Variants in PEX5L observed in about 807,000 individuals in gnomAD.
PEX5L encodes the protein peroxisomal biogenesis factor 5 like.
PEX5L carries 30 observed loss-of-function variants against 84.0 expected under a neutral mutation model. The observed-to-expected ratio is 0.36, with a 90% CI of 0.27 to 0.48. The LOEUF (loss-of-function observed/expected upper bound fraction) is 0.48. Ranked by LOEUF, PEX5L falls within the 20% of genes least tolerant of loss-of-function variation. The probability of loss-of-function intolerance (pLI) is 0.99; values close to 1 mark genes in which losing one functional copy is unlikely to be tolerated. For synonymous variants in PEX5L, 270 were observed against 283.1 expected (o/e 0.95, Z 0.46); for missense variants, 533 against 754.6 (o/e 0.71, Z 3.44).
intron 2 of PEX5L, among the ~76,000 whole-genome samples, chr3:179,933,813 T>C (rs1773804223): frequency 1.3e-5 from 2 of 152,246 alleles, no homozygotes; most frequent in Non-Finnish European, 2.9e-5. Flanking sequence ...TCTGATTCAG[T>C]AGGCCTTTGC....
At chr3:179,918,910 C>T (rs940827662) in intron 2 of PEX5L, among the ~76,000 whole-genome samples, 6 of 152,106 alleles carry the variant, frequency 3.9e-5, no homozygotes, top group South Asian at 4.1e-4. Flanking sequence ...AGGGTTCTTA[C>T]GGAATGAAAA....
chr3:180,028,959 T>G (rs1791205268), intron 1 of PEX5L, among the ~76,000 whole-genome samples: 1 of 152,198 alleles, frequency 6.6e-6, no homozygotes, highest in South Asian at 2.1e-4. Context: ...AAGAAGCTAA[T>G]GCACTTTTAG....
At chr3:179,821,997 C>T (rs941711643) in intron 8 of PEX5L, among the ~76,000 whole-genome samples, 1 of 152,126 alleles carries the variant, frequency 6.6e-6, no homozygotes, top group African/African-American at 2.4e-5. Flanking sequence ...AAATATCTTT[C>T]CTTTTTTTAA....
At chr3:180,036,314 G>C (rs1219371745) in intron 1 of PEX5L, among the ~76,000 whole-genome samples, 2 of 152,124 alleles carry the variant, frequency 1.3e-5, no homozygotes. Context: ...TCGATTCCTT[G>C]ATCCTGTTTA....
At chr3:179,957,127 C>T (rs1780778994) in intron 2 of PEX5L, among the ~76,000 whole-genome samples, 1 of 149,234 alleles carries the variant, frequency 6.7e-6, no homozygotes, top group Admixed American at 6.8e-5. Context: ...GAAGCAGGTA[C>T]AAAATTGAAT....
At chr3:179,820,888 A>AT (rs1255444184) in intron 8 of PEX5L, among the ~76,000 whole-genome samples, 2 of 151,864 alleles carry the variant, frequency 1.3e-5, no homozygotes, top group Non-Finnish European at 2.9e-5. Context: ...AGGGAAAGAG[A>AT]TGGAGGGTGG....
intron 8 of PEX5L, among the ~76,000 whole-genome samples, chr3:179,827,378 A>T (rs1730926006): frequency 6.6e-6 from 1 of 152,136 alleles, no homozygotes; most frequent in Non-Finnish European, 1.5e-5. Flanking sequence ...AGTCTCAGGG[A>T]TGTCTCGAGT....
intron 5 of PEX5L, 117 bp downstream of exon 5, chr3:179,879,812 A>G: frequency 6.0e-6 from 4 of 661,708 alleles, no homozygotes; most frequent in Non-Finnish European, 9.9e-6. Flanking sequence ...AGTTTCCACC[A>G]TGGAATGCCT....
intron 1 of PEX5L, among the ~76,000 whole-genome samples, chr3:179,992,882 G>GTA (rs1787510112): frequency 6.9e-6 from 1 of 144,080 alleles, no homozygotes; most frequent in African/African-American, 2.7e-5. Flanking sequence ...ATGTATGTAT[G>GTA]TGTCTATGTA....
chr3:179,887,829 CAG>C lies in PEX5L; in HGVS notation c.199-47_199-46del, dbSNP rs777922419. 68 of 1,278,770 alleles carry C rather than the reference CAG, an allele frequency of 5.3e-5. 1 individual carries two copies. The East Asian group carries it at 1.2e-3, about 23-fold the overall frequency. 79.2% of individuals were successfully genotyped at this position (1,278,770 alleles called of 1,614,324 possible). ...GGTGTCAAAGGGCTTTGTTAAACTG[CAG>C]AGTCAGATGAATTAAAATGCAGCCT... On this transcript the variant is annotated intron_variant, in intron 3 of 14. Transcript: ENST00000467460.
At chr3:179,877,010 T>C (rs575912269) in intron 5 of PEX5L, among the ~76,000 whole-genome samples, 26 of 152,326 alleles carry the variant, frequency 1.7e-4, no homozygotes, top group African/African-American at 6.0e-4. Flanking sequence ...CTGAAGGTAA[T>C]TTTATAAAGT....
At chr3:179,900,018 G>T (rs915579723) in intron 2 of PEX5L, among the ~76,000 whole-genome samples, 1 of 152,104 alleles carries the variant, frequency 6.6e-6, no homozygotes, top group Non-Finnish European at 1.5e-5. Context: ...AAATGGAGAT[G>T]CAAACAATTC....
In PEX5L at chr3:179,874,401, G is replaced by T. The variant is rs768469747; in HGVS notation, c.652C>A (p.Pro218Thr). The change falls in exon 7 of 15, where the codon CCA becomes ACA. Residue 218 changes from proline to threonine, a missense_variant. Pro to Thr is a conservative substitution (Grantham distance 38). This residue lies in a region of PEX5L where 259 missense variants were observed against 301.7 expected (regional missense o/e 0.86). Transcript: ENST00000467460. ...LLWSSEHRSQ[P>T]ELSGGKSALN... ...GCGCTTTTTCCACCACTCAGTTCTG[G>T]TTGAGATCTGTGTTCTGAGGACCTA... The T allele has an allele frequency of 9.9e-6, 16 of 1,609,826 alleles. 1 individual carries two copies. The South Asian group carries it at 1.5e-4, about 15-fold the overall frequency.
Position 179,898,120 on chromosome 3 carries a change from GAA to G in PEX5L, c.198+20_198+21del. The stretch of plus-strand genomic sequence containing the variant: ...TATTAACATATGTCAGCTTCCTACA[GAA>G]ACCCTATGGGTCTGCCCACCTGTGA... On this transcript the variant is annotated intron_variant, in intron 3 of 14. Transcript: ENST00000467460. 1 of 1,468,740 alleles carries G rather than the reference GAA, an allele frequency of 6.8e-7. No homozygotes were observed. The highest frequency in any genetic ancestry group is 1.2e-5 in the South Asian group (1 of 85,650). The allele number at this position is 1,468,740 out of a possible 1,614,324, so 91.0% of individuals were successfully genotyped here.
chr3:179,862,827 T>C (rs986267958), intron 7 of PEX5L, among the ~76,000 whole-genome samples: 1 of 151,258 alleles, frequency 6.6e-6, no homozygotes, highest in Non-Finnish European at 1.5e-5. Context: ...TCCACAGAAA[T>C]AAAAAAAAAT....
chr3:179,898,374 T>C, intron 2 of PEX5L, 128 bp from the exon 3 acceptor site: 1 of 589,282 alleles, frequency 1.7e-6, no homozygotes, highest in Admixed American at 3.1e-5. Flanking sequence ...AAGTGAATCT[T>C]GAGGCTTTTG....
rs972553939 is a variant in PEX5L, at chr3:179,987,628, G to C, written c.22-15963C>G. 1.2e-4 allele frequency among the ~76,000 whole-genome samples: 18 copies of C among 152,284 alleles called. 1 individual carries two copies. Among genetic ancestry groups the C allele is most frequent in the Admixed American group, 1.0e-3 (16 of 15,306 alleles). On this transcript the variant is annotated intron_variant, in intron 1 of 14. Transcript: ENST00000467460. Reference sequence around the variant, plus strand: ...TGAACTTAAAATCAAGCAGCATGAAGAGTTCTAGTTCTGGCCTGACCAATC... The same window carrying C: ...TGAACTTAAAATCAAGCAGCATGAACAGTTCTAGTTCTGGCCTGACCAATC...
chr3:179,843,449 C>A (rs145592927), intron 8 of PEX5L, among the ~76,000 whole-genome samples: 208 of 152,220 alleles, frequency 1.4e-3, no homozygotes, highest in Middle Eastern at 3.4e-3. Context: ...GAAACTGAGG[C>A]CTGCAGAGAG....
At chr3:179,803,671 T>G (rs1720012277) in intron 14 of PEX5L, among the ~76,000 whole-genome samples, 1 of 152,352 alleles carries the variant, frequency 6.6e-6, no homozygotes, top group East Asian at 1.9e-4. Flanking sequence ...CAAAAACTTT[T>G]CATACCCTTG....
Sources: gnomAD v4.1 joint callset for allele counts (sites outside exome capture counted in the v4.1 genomes callset) on GRCh38, gnomAD v4.1.1 for gene constraint, gnomAD v4.1.1 regional missense constraint, MANE v1.5 for transcripts, NCBI Gene and HGNC (gene_info 2026-07-23, HGNC 2026-07-21) for gene names.